Variants in TEX11 observed in about 807,000 individuals in gnomAD.
TEX11 encodes testis expressed 11, also known as testis-expressed protein 11.
TEX11 carries 7 observed loss-of-function variants against 84.4 expected under a neutral mutation model. That is an observed-to-expected ratio of 0.08 (90% CI 0.05 to 0.16). The LOEUF is 0.16. Among genes scored for constraint, TEX11 ranks in the 10% least tolerant of loss-of-function variants. The pLI, the probability that TEX11 is intolerant of heterozygous loss-of-function variation, is 1.00. For synonymous variants in TEX11, 264 were observed against 222.8 expected (o/e 1.18, Z -1.64); for missense variants, 551 against 660.5 (o/e 0.83, Z 1.82).
intron 25 of TEX11, among the ~76,000 whole-genome samples, chrX:70,583,623 A>G (rs954278279): frequency 1.8e-5 from 2 of 112,091 alleles, no homozygotes; most frequent in African/African-American, 3.2e-5. Context: ...TTGGGTAGAT[A>G]CCTAGTAATG....
intron 7 of TEX11, among the ~76,000 whole-genome samples, chrX:70,845,670 A>G: frequency 9.1e-6 from 1 of 110,412 alleles, no homozygotes; most frequent in East Asian, 2.9e-4. Context: ...TCTACTAAAA[A>G]TACAAAAATT....
At chrX:70,643,759 C>A (rs2089698436) in intron 17 of TEX11, among the ~76,000 whole-genome samples, 1 of 101,509 alleles carries the variant, frequency 9.9e-6, no homozygotes, top group African/African-American at 3.6e-5. Flanking sequence ...ACACCTTATA[C>A]AAAAATCAAT....
rs2089811482 is a variant in TEX11 at position 70,651,529 on chromosome X, A to C, written c.1404T>G (p.Ala468=). ...LDKAKEAVAE[A]ERHDPRNVFT... ...AAACGTTCCTAGGGTCATGTCGTTC[A>C]GCTTCTGCCACTGCCTCTTTGGCCT... Residue 468 remains alanine, a synonymous_variant, in exon 17 of 30, where the codon GCT becomes GCG. Transcript: ENST00000374333. 1 of 1,204,924 alleles carries C rather than the reference A, an allele frequency of 8.3e-7. No individual in the cohort carries two copies. Among genetic ancestry groups the C allele is most frequent in the East Asian group, 3.0e-5 (1 of 33,638 alleles).
At chrX:70,769,003 G>C (rs940820428) in intron 9 of TEX11, among the ~76,000 whole-genome samples, 2 of 111,206 alleles carry the variant, frequency 1.8e-5, no homozygotes, top group African/African-American at 6.5e-5. Flanking sequence ...AATTACAAGG[G>C]GAATTAGAAA....
In TEX11 at chrX:70,865,069, G is replaced by A. The variant is rs186255222; in HGVS notation, c.245-4133C>T. 1.3e-3 allele frequency among the ~76,000 whole-genome samples: 149 copies of A among 111,328 alleles called. 1 individual carries two copies. The highest frequency in any genetic ancestry group is 4.6e-3 in the Middle Eastern group (1 of 217). On this transcript the variant is annotated intron_variant, in intron 4 of 29. Transcript: ENST00000374333. Reference sequence around the variant, plus strand: ...CAATATTAACCTTAAATGTAAATGGGCTAAATGCTCCAATTAAAAGACACA... The same window carrying A: ...CAATATTAACCTTAAATGTAAATGGACTAAATGCTCCAATTAAAAGACACA...
At chrX:70,790,871 G>A (rs971153704) in intron 9 of TEX11, among the ~76,000 whole-genome samples, 4 of 112,325 alleles carry the variant, frequency 3.6e-5, no homozygotes, top group Admixed American at 9.4e-5. Context: ...ATCCTGCATC[G>A]TTTGAGCACA....
intron 28 of TEX11, among the ~76,000 whole-genome samples, chrX:70,547,414 A>T (rs5936916): frequency 0.4 from 44,537 of 110,331 alleles, 8,082 homozygotes; most frequent in East Asian, 0.61. Context: ...AAAATCAGAC[A>T]AATGGGATCT....
intron 9 of TEX11, among the ~76,000 whole-genome samples, chrX:70,779,609 T>C (rs2091024902): frequency 9.2e-6 from 1 of 109,288 alleles, no homozygotes; most frequent in Non-Finnish European, 1.9e-5. Flanking sequence ...TCAACGAAAC[T>C]AAAAGTTGGT....
At chrX:70,760,261 T>G (rs2090899745) in intron 9 of TEX11, among the ~76,000 whole-genome samples, 1 of 111,957 alleles carries the variant, frequency 8.9e-6, no homozygotes, top group African/African-American at 3.2e-5. Flanking sequence ...TGGAAAAAAC[T>G]ACTTTAAAGT....
At chrX:70,793,139 C>T (rs775784533) in intron 9 of TEX11, among the ~76,000 whole-genome samples, 1 of 111,251 alleles carries the variant, frequency 9.0e-6, no homozygotes, top group South Asian at 3.8e-4. Context: ...CAATAAAATC[C>T]AACACCCATT....
intron 4 of TEX11, among the ~76,000 whole-genome samples, chrX:70,872,158 C>T (rs7057383): frequency 0.2 from 22,713 of 110,852 alleles, 1,848 homozygotes; most frequent in Middle Eastern, 0.31. Context: ...TAATATCACA[C>T]GGTTCACCTG....
intron 8 of TEX11, among the ~76,000 whole-genome samples, chrX:70,810,883 G>A (rs750302356): frequency 3.6e-5 from 4 of 111,124 alleles, no homozygotes; most frequent in South Asian, 7.6e-4. Flanking sequence ...AATAATAAAT[G>A]TTCTAATGGC....
chrX:70,711,932 T>C (rs1467956027), intron 13 of TEX11, among the ~76,000 whole-genome samples: 4 of 111,958 alleles, frequency 3.6e-5, no homozygotes. Flanking sequence ...GGTCTAACAT[T>C]CAAATCTTTA....
rs958580197 is a variant in TEX11 at position 70,727,419 on chromosome X, C to A, written c.844-2076G>T. 7.2e-5 allele frequency among the ~76,000 whole-genome samples: 8 copies of A among 111,415 alleles called. No individual in the cohort carries two copies. The Admixed American group carries it at 7.6e-4, about 11-fold the overall frequency. On this transcript the variant is annotated intron_variant, in intron 11 of 29. Coordinates refer to ENST00000374333, the MANE Select transcript of TEX11 (RefSeq NM_031276.3). ...TTACAGAATAATAATAAAACAAACA[C>A]CGGTGTCCTCACTACCAAGGTTAAG... is the stretch of plus-strand genomic sequence containing the variant.
At chrX:70,731,284 G>A (rs148073515) in intron 11 of TEX11, among the ~76,000 whole-genome samples, 7,684 of 110,875 alleles carry the variant, frequency 0.069, 570 homozygotes, top group African/African-American at 0.21. Flanking sequence ...GCTAACAGAA[G>A]GCAAGAAATA....
intron 8 of TEX11, among the ~76,000 whole-genome samples, chrX:70,824,607 T>C (rs963655112): frequency 9.0e-6 from 1 of 110,624 alleles, no homozygotes; most frequent in East Asian, 2.8e-4. Context: ...AGATTATGGA[T>C]AGCTATTGGT....
At chrX:70,718,426 A>T (rs5936965) in intron 13 of TEX11, among the ~76,000 whole-genome samples, 1 of 110,586 alleles carries the variant, frequency 9.0e-6, no homozygotes, top group Non-Finnish European at 1.9e-5. Context: ...CCTTGCCAAA[A>T]GCATTTCCCC....
chrX:70,767,540 ACAACCACTAT>A (rs1207875017), intron 9 of TEX11, among the ~76,000 whole-genome samples: 10 of 111,986 alleles, frequency 8.9e-5, no homozygotes, highest in Non-Finnish European at 1.9e-4. Context: ...GTAAATTAGT[ACAACCACTAT>A]GGAGAACAGT....
chrX:70,803,193 G>T (rs767392692), intron 9 of TEX11, among the ~76,000 whole-genome samples: 1 of 112,107 alleles, frequency 8.9e-6, no homozygotes, highest in Non-Finnish European at 1.9e-5. Context: ...CTTGCATTCG[G>T]ATTTCAAAAA....
Sources: gnomAD v4.1 joint callset for allele counts (sites outside exome capture counted in the v4.1 genomes callset) on GRCh38, gnomAD v4.1.1 for gene constraint, MANE v1.5 for transcripts, NCBI Gene and HGNC (gene_info 2026-07-23, HGNC 2026-07-21) for gene names.